Variants in RARB observed in about 807,000 individuals in gnomAD.
RARB encodes the protein HBV-activated protein.
In RARB, 17 loss-of-function variants were observed where a neutral mutation model predicts 51.9. The ratio of observed to expected loss-of-function variants is 0.33; its 90% CI spans 0.22 to 0.49. The LOEUF is 0.49. Among genes scored for constraint, RARB ranks in the 20% least tolerant of loss-of-function variants. The pLI, the probability that RARB is intolerant of heterozygous loss-of-function variation, is 0.99. For missense variants in RARB, 369 were observed against 550.8 expected (o/e 0.67, Z 3.30); for synonymous variants, 215 against 195.4 (o/e 1.10, Z -0.84).
intron 5 of RARB, among the ~76,000 whole-genome samples, chr3:25,316,517 T>A (rs1704429394): frequency 6.6e-6 from 1 of 152,114 alleles, no homozygotes; most frequent in Non-Finnish European, 1.5e-5. Context: ...TAATGTATAA[T>A]TCAGATATAT....
chr3:25,495,349 T>C (rs138149879), intron 2 of RARB, among the ~76,000 whole-genome samples: 64 of 152,316 alleles, frequency 4.2e-4, no homozygotes, highest in African/African-American at 1.5e-3. Flanking sequence ...ATTTAAGATA[T>C]GTCCATCAAG....
At chr3:25,055,142 A>C (rs570339497) in intron 2 of RARB, among the ~76,000 whole-genome samples, 26 of 152,298 alleles carry the variant, frequency 1.7e-4, no homozygotes, top group Admixed American at 1.4e-3. Context: ...ATTAAAAGCC[A>C]AAGTTTCAGA....
chr3:25,407,029 A>T (rs576229664), intron 5 of RARB, among the ~76,000 whole-genome samples: 23 of 152,168 alleles, frequency 1.5e-4, no homozygotes, highest in Non-Finnish European at 2.5e-4. Context: ...TGTCTTTCAC[A>T]ACTGTCATTT....
chr3:25,312,450 A>C lies in RARB; in HGVS notation c.178+137875A>C, dbSNP rs1704313765. Among the ~76,000 whole-genome samples, 7 of 152,296 alleles carry C rather than the reference A, an allele frequency of 4.6e-5. No individual in the cohort carries two copies. The South Asian group carries it at 1.0e-3, about 23-fold the overall frequency. On this transcript the variant is annotated intron_variant, in intron 5 of 11. Coordinates refer to the RARB transcript ENST00000383772. ...GCTAATAAGCAGCACGTCAGGACTG[A>C]AACTTCAGACCTTCTAACTCCTCTG...
chr3:25,105,417 A>G (rs1699479886), intron 3 of RARB, among the ~76,000 whole-genome samples: 1 of 139,504 alleles, frequency 7.2e-6, no homozygotes, highest in Non-Finnish European at 1.6e-5. Context: ...TAGTGTATAC[A>G]TGTGCAAAAA....
chr3:25,035,716 A>G (rs184919843), intron 2 of RARB, among the ~76,000 whole-genome samples: 11 of 152,318 alleles, frequency 7.2e-5, no homozygotes, highest in South Asian at 2.1e-4. Flanking sequence ...CTCTATTGCA[A>G]TGACTCAGCT....
intron 5 of RARB, among the ~76,000 whole-genome samples, chr3:25,354,571 C>T (rs138118369): frequency 3.3e-5 from 5 of 152,274 alleles, no homozygotes; most frequent in Admixed American, 3.3e-4. Flanking sequence ...AGTTGTTATT[C>T]TTCCTCATAC....
chr3:24,942,358 AT>A (rs925223390), intron 2 of RARB, among the ~76,000 whole-genome samples: 5 of 152,222 alleles, frequency 3.3e-5, no homozygotes, highest in African/African-American at 4.8e-5. Flanking sequence ...TAAATTTGAA[AT>A]GGGCCTTAGG....
At chr3:25,147,103 A>T (rs752729077) in intron 4 of RARB, among the ~76,000 whole-genome samples, 1 of 152,198 alleles carries the variant, frequency 6.6e-6, no homozygotes, top group African/African-American at 2.4e-5. Context: ...TAGTGTTTCT[A>T]AACTCACGTG....
chr3:25,240,771 G>C (rs1255037057), intron 5 of RARB, among the ~76,000 whole-genome samples: 1 of 152,112 alleles, frequency 6.6e-6, no homozygotes. Context: ...GTGTCTATCA[G>C]GGATATTAGC....
intron 5 of RARB, among the ~76,000 whole-genome samples, chr3:25,400,016 G>C (rs1347850588): frequency 1.3e-5 from 2 of 152,166 alleles, no homozygotes; most frequent in South Asian, 2.1e-4. Context: ...TTCTCCTAAA[G>C]AGTTAATGAG....
chr3:24,872,195 T>C (rs1004891729), intron 2 of RARB, among the ~76,000 whole-genome samples: 4 of 152,174 alleles, frequency 2.6e-5, no homozygotes, highest in Non-Finnish European at 5.9e-5. Context: ...ACCCCCTTTC[T>C]GATTTCCTCC....
rs75301494 is a variant in RARB, at chr3:25,167,885, G to C, written c.-279-6234G>C. Among the ~76,000 whole-genome samples, 1,008 of 152,210 alleles carry C rather than the reference G, an allele frequency of 6.6e-3. 3 individuals carry two copies. Among genetic ancestry groups the C allele is most frequent in the Non-Finnish European group, 0.011 (741 of 68,010 alleles). On this transcript the variant is annotated intron_variant, in intron 4 of 11. Transcript: ENST00000383772. Reference sequence around the variant, plus strand: ...GTTTTTTTCTTTCCACCCTACCCTGGGCAGATGCTTACAGGATTGCTCAAT... The same window carrying C: ...GTTTTTTTCTTTCCACCCTACCCTGCGCAGATGCTTACAGGATTGCTCAAT...
chr3:25,373,221 G>A (rs185897007), intron 5 of RARB, among the ~76,000 whole-genome samples: 1 of 152,224 alleles, frequency 6.6e-6, no homozygotes, highest in African/African-American at 2.4e-5. Flanking sequence ...GCATGTGGAT[G>A]GTATTTAAAG....
chr3:25,220,528 G>A (rs1456578472), intron 5 of RARB, among the ~76,000 whole-genome samples: 2 of 152,130 alleles, frequency 1.3e-5, no homozygotes, highest in Non-Finnish European at 2.9e-5. Context: ...GAGACCACAC[G>A]GAGGTAATTG....
chr3:24,896,980 C>A (rs1198128883), intron 2 of RARB, among the ~76,000 whole-genome samples: 4 of 152,204 alleles, frequency 2.6e-5, no homozygotes, highest in Non-Finnish European at 5.9e-5. Flanking sequence ...CTTGATTTGT[C>A]TGAATGGAAA....
chr3:25,441,727 A>G (rs1199804269), intron 1 of RARB, among the ~76,000 whole-genome samples: 1 of 152,094 alleles, frequency 6.6e-6, no homozygotes, highest in African/African-American at 2.4e-5. Context: ...CTACCATTAA[A>G]ATTACCAGGT....
chr3:24,838,634 T>A (rs558960425), intron 1 of RARB, among the ~76,000 whole-genome samples: 2 of 152,300 alleles, frequency 1.3e-5, no homozygotes, highest in South Asian at 2.1e-4. Context: ...CAGAAATAGT[T>A]TATTTAATTT....
chr3:25,101,975 G>C (rs1163422657), intron 3 of RARB, among the ~76,000 whole-genome samples: 3 of 152,124 alleles, frequency 2.0e-5, no homozygotes, highest in East Asian at 1.9e-4. Flanking sequence ...CATGAAGTTT[G>C]AGAATGATGT....
Sources: allele counts gnomAD v4.1 joint callset (sites outside exome capture counted in the v4.1 genomes callset), GRCh38; gene constraint gnomAD v4.1.1; transcripts MANE v1.5; gene names NCBI Gene and HGNC (gene_info 2026-07-23, HGNC 2026-07-21).